CACNA2D1: variants seen among roughly 807,000 people sequenced by gnomAD.
CACNA2D1 encodes calcium voltage-gated channel auxiliary subunit alpha2delta 1, also known as voltage-dependent calcium channel subunit alpha-2/delta-1.
Under a neutral mutation model 171.5 loss-of-function variants are expected in CACNA2D1, and 53 were observed. The observed-to-expected ratio is 0.31, with a 90% CI of 0.25 to 0.39. The LOEUF is 0.39. Among genes scored for constraint, CACNA2D1 ranks in the 10% least tolerant of loss-of-function variants. The pLI, the probability that CACNA2D1 is intolerant of heterozygous loss-of-function variation, is 1.00. For synonymous variants in CACNA2D1, 442 were observed against 443.1 expected, an observed-to-expected ratio of 1.00 and a Z score of 0.03; for missense variants, 903 against 1,299.8, an observed-to-expected ratio of 0.69 and a Z score of 4.69.
At chr7:82,030,960 T>C (rs1365224990) in intron 12 of CACNA2D1, among the ~76,000 whole-genome samples, 3 of 151,936 alleles carry the variant, frequency 2.0e-5, no homozygotes, top group Admixed American at 1.3e-4. Context: ...CAGTTATATT[T>C]TATAATTATA....
intron 3 of CACNA2D1, among the ~76,000 whole-genome samples, chr7:82,306,877 CAAAA>C (rs56102718): frequency 1.2e-4 from 16 of 134,266 alleles, no homozygotes; most frequent in South Asian, 2.2e-4. Context: ...CGAAAAAATA[CAAAA>C]AAAAAAAAAA....
intron 15 of CACNA2D1, among the ~76,000 whole-genome samples, chr7:82,010,923 T>C (rs1376975608): frequency 6.6e-6 from 1 of 152,152 alleles, no homozygotes; most frequent in Admixed American, 6.6e-5. Flanking sequence ...TCTTATTATT[T>C]TGATTCTCTC....
intron 3 of CACNA2D1, among the ~76,000 whole-genome samples, chr7:82,306,083 G>A (rs1477312605): frequency 1.3e-5 from 2 of 152,178 alleles, no homozygotes; most frequent in African/African-American, 4.8e-5. Flanking sequence ...CATATTGTCT[G>A]ATCCTTTTCC....
chr7:82,252,895 A>G (rs1327984832), intron 3 of CACNA2D1, among the ~76,000 whole-genome samples: 1 of 152,052 alleles, frequency 6.6e-6, no homozygotes, highest in Non-Finnish European at 1.5e-5. Context: ...GTCAGAAAAA[A>G]AAAAACAAAC....
At chr7:82,012,396 G>T in intron 14 of CACNA2D1, 153 bp from the exon 15 acceptor site, 1 of 636,566 alleles carries the variant, frequency 1.6e-6, no homozygotes, top group Non-Finnish European at 2.8e-6. Flanking sequence ...TCTATTTTGG[G>T]TACTCCATAG....
At chr7:82,319,975 C>T (rs990412441) in intron 3 of CACNA2D1, among the ~76,000 whole-genome samples, 4 of 152,072 alleles carry the variant, frequency 2.6e-5, no homozygotes, top group African/African-American at 7.2e-5. Flanking sequence ...ATCCACACTG[C>T]GGCCTGTTGG....
chr7:81,955,643 C>G (rs1009013098), intron 38 of CACNA2D1, among the ~76,000 whole-genome samples: 11 of 151,750 alleles, frequency 7.2e-5, no homozygotes, highest in Non-Finnish European at 1.6e-4. Context: ...GATTATACTT[C>G]TACAATTATG....
intron 3 of CACNA2D1, among the ~76,000 whole-genome samples, chr7:82,277,022 A>G (rs1468266938): frequency 6.6e-6 from 1 of 152,000 alleles, no homozygotes; most frequent in African/African-American, 2.4e-5. Context: ...CTGGGAATAC[A>G]GGTGGGAGCC....
intron 12 of CACNA2D1, chr7:82,020,685 CA>C (rs1285290787): frequency 6.6e-6 from 1 of 151,988 alleles, no homozygotes; most frequent in Non-Finnish European, 1.5e-5. Flanking sequence ...CCTAGATGAG[CA>C]AATTTGGTGA....
At chr7:82,336,712 C>T (rs1397805544) in intron 2 of CACNA2D1, among the ~76,000 whole-genome samples, 2 of 152,186 alleles carry the variant, frequency 1.3e-5, no homozygotes, top group Admixed American at 1.3e-4. Flanking sequence ...TCTTTCATTT[C>T]AGACTAAGAT....
chr7:82,383,518 G>T (rs917904118), intron 1 of CACNA2D1, among the ~76,000 whole-genome samples: 1 of 151,966 alleles, frequency 6.6e-6, no homozygotes, highest in African/African-American at 2.4e-5. Context: ...ATAGGTGATA[G>T]AACAGACTCA....
chr7:82,215,480 C>T (rs934471759), intron 3 of CACNA2D1, among the ~76,000 whole-genome samples: 1 of 152,078 alleles, frequency 6.6e-6, no homozygotes, highest in Non-Finnish European at 1.5e-5. Flanking sequence ...TGTAATTTCA[C>T]TCCAAATAAA....
In CACNA2D1 at chr7:81,959,276, A is replaced by G; in HGVS notation, c.3158T>C (p.Leu1053Ser). Residue 1053 changes from leucine to serine, a missense_variant and splice_region_variant, in exon 38 of 39, where the codon TTG becomes TCG. Around this residue, in one of 5 missense-constraint regions of CACNA2D1, gnomAD observed 623 missense variants for 925.5 expected, o/e 0.67. Coordinates refer to ENST00000356860, the MANE Select transcript of CACNA2D1 (RefSeq NM_000722.4). ...AATCCAGTAGAAGTGTGATCTTACC[A>G]AGACATTGTTATCAAAGCAGACATC... The part of the protein sequence containing the change: ...GPDVCFDNNV[L>S]EDYTDCGGVS... 1 of 1,594,056 alleles carries G rather than the reference A, an allele frequency of 6.3e-7. No homozygotes were observed. Among genetic ancestry groups the G allele is most frequent in the Non-Finnish European group, 8.6e-7 (1 of 1,161,844 alleles).
At chr7:82,254,429 T>G (rs1280144541) in intron 3 of CACNA2D1, among the ~76,000 whole-genome samples, 1 of 152,062 alleles carries the variant, frequency 6.6e-6, no homozygotes, top group Non-Finnish European at 1.5e-5. Context: ...GTAAAAACTG[T>G]ACATATTCAA....
intron 3 of CACNA2D1, among the ~76,000 whole-genome samples, chr7:82,216,896 A>AC (rs901896985): frequency 6.6e-6 from 1 of 151,172 alleles, no homozygotes; most frequent in Non-Finnish European, 1.5e-5. Flanking sequence ...AAATCCAAAA[A>AC]AAAAAAAAAA....
intron 27 of CACNA2D1, 36 bp from the exon 28 acceptor site, chr7:81,970,020 A>G: frequency 8.4e-7 from 1 of 1,191,860 alleles, no homozygotes; most frequent in South Asian, 1.2e-5. Flanking sequence ...GTATTCTTTA[A>G]TCTACCTGAT....
At chr7:82,366,903 C>CTGTTTTTTTTTTTTTTT (rs1821792269) in intron 1 of CACNA2D1, among the ~76,000 whole-genome samples, 1 of 86,944 alleles carries the variant, frequency 1.2e-5, no homozygotes, top group Non-Finnish European at 2.3e-5. Context: ...TGGTTTTGAC[C>CTGTTTTTTTTTTTTTTT]TTTTTTTTTT....
chr7:82,052,684 A>G (rs900786578), intron 10 of CACNA2D1, among the ~76,000 whole-genome samples: 4 of 152,232 alleles, frequency 2.6e-5, no homozygotes, highest in Admixed American at 2.0e-4. Flanking sequence ...ATAAATGCAA[A>G]TAAGAATATA....
intron 2 of CACNA2D1, among the ~76,000 whole-genome samples, chr7:82,335,885 G>A (rs1285122202): frequency 6.6e-6 from 1 of 152,116 alleles, no homozygotes; most frequent in Non-Finnish European, 1.5e-5. Flanking sequence ...TAAGCTAGGT[G>A]CCAAAAGAAA....
Sources: gnomAD v4.1 joint callset for allele counts (sites outside exome capture counted in the v4.1 genomes callset) on GRCh38, gnomAD v4.1.1 for gene constraint, gnomAD v4.1.1 regional missense constraint, MANE v1.5 for transcripts, NCBI Gene and HGNC (gene_info 2026-07-23, HGNC 2026-07-21) for gene names.